The following SESN3 variants were observed in gnomAD, a reference collection of about 807,000 sequenced individuals.
SESN3 encodes the protein sestrin 3, also known as sestrin-3.
Under a neutral mutation model 55.3 loss-of-function variants are expected in SESN3, and 21 were observed. The ratio of observed to expected loss-of-function variants is 0.38; its 90% CI spans 0.27 to 0.55. The LOEUF (loss-of-function observed/expected upper bound fraction) is 0.55, where lower values mean the gene tolerates loss of function less well. Ranked by LOEUF, SESN3 falls within the 20% of genes least tolerant of loss-of-function variation. SESN3 has a pLI of 0.76. For synonymous variants in SESN3, 181 were observed against 203.1 expected, an observed-to-expected ratio of 0.89 and a Z score of 0.93; for missense variants, 408 against 604.3, an observed-to-expected ratio of 0.68 and a Z score of 3.41.
intron 1 of SESN3, among the ~76,000 whole-genome samples, chr11:95,224,947 G>C (rs959518955): frequency 1.3e-5 from 2 of 152,172 alleles, no homozygotes; most frequent in African/African-American, 2.4e-5. Flanking sequence ...GAGCCAACCA[G>C]TTTGCTATGC....
chr11:95,231,215 G>A (rs962790433), upstream of SESN3: 11 of 344,482 alleles, frequency 3.2e-5, no homozygotes, highest in African/African-American at 2.4e-4. Context: ...CCCCGCCTCC[G>A]CCGCCCCACC....
At chr11:95,179,835 A>C (rs929167687) in intron 6 of SESN3, among the ~76,000 whole-genome samples, 4 of 152,198 alleles carry the variant, frequency 2.6e-5, no homozygotes, top group Non-Finnish European at 5.9e-5. Flanking sequence ...TGTGACTAGA[A>C]TATTACCAAA....
Position 95,173,121 on chromosome 11 carries a change from A to AC in SESN3, c.*133_*134insG, listed in dbSNP as rs58831783. ...TGCACATTACAGCCGCAAAAAACAA[A>AC]AAAAAAAAAACAAACGGCTAAACTT... On this transcript the variant is annotated 3_prime_UTR_variant, in exon 10 of 10. Transcript: ENST00000536441. 5.8e-3 allele frequency: 2,995 copies of AC among 519,790 alleles called. 66 individuals are homozygous for AC. Among genetic ancestry groups the AC allele is most frequent in the African/African-American group, 0.048 (2,557 of 53,084 alleles). 32.2% of individuals were successfully genotyped at this position (519,790 alleles called of 1,614,324 possible). A position where few individuals can be genotyped will look rare whatever the true frequency, so the allele number is the denominator to read the frequency against.
chr11:95,197,871 T>C (rs981432134), intron 1 of SESN3, among the ~76,000 whole-genome samples: 2 of 152,148 alleles, frequency 1.3e-5, no homozygotes, highest in South Asian at 4.1e-4. Context: ...GAGAACTCGC[T>C]AGCTCTTCTC....
intron 1 of SESN3, among the ~76,000 whole-genome samples, chr11:95,219,371 T>A (rs1294238566): frequency 6.6e-6 from 1 of 152,232 alleles, no homozygotes; most frequent in African/African-American, 2.4e-5. Flanking sequence ...CTGACTTGTT[T>A]TACTTTACTA....
At chr11:95,182,596 C>T (rs982889049) in intron 6 of SESN3, among the ~76,000 whole-genome samples, 1 of 152,158 alleles carries the variant, frequency 6.6e-6, no homozygotes, top group Admixed American at 6.5e-5. Context: ...AACAAGATTC[C>T]CCAAGTGACT....
Position 95,170,674 on chromosome 11 carries a change from C to A in SESN3, c.*2581G>T, listed in dbSNP as rs934735535. On this transcript the variant is annotated 3_prime_UTR_variant, in exon 10 of 10. Coordinates refer to ENST00000536441, the MANE Select transcript of SESN3 (RefSeq NM_144665.4). ...GGATAAAGAGAGTTAACAGCAAACT[C>A]GTTGTAAAATGGTATTCACAACCTG... 1 of 152,184 alleles carries A rather than the reference C, an allele frequency of 6.6e-6. No individual in the cohort carries two copies. Among genetic ancestry groups the A allele is most frequent in the Non-Finnish European group, 1.5e-5 (1 of 68,018 alleles). 9.4% of individuals were successfully genotyped at this position (152,184 alleles called of 1,614,324 possible).
intron 1 of SESN3, among the ~76,000 whole-genome samples, chr11:95,216,759 T>C (rs1310701340): frequency 7.1e-6 from 1 of 140,956 alleles, no homozygotes; most frequent in African/African-American, 2.6e-5. Context: ...GGAGGCAAGA[T>C]AAAAAAAAAA....
At chr11:95,220,398 G>A (rs990127119) in intron 1 of SESN3, among the ~76,000 whole-genome samples, 1 of 152,058 alleles carries the variant, frequency 6.6e-6, no homozygotes. Context: ...ACTAATTAAT[G>A]ACTGGTTGGC....
intron 2 of SESN3, 128 bp downstream of exon 2, chr11:95,193,329 T>G: frequency 3.2e-6 from 2 of 633,378 alleles, no homozygotes; most frequent in East Asian, 2.8e-5. Context: ...TCCATGGTTT[T>G]CTGACATGTG....
At chr11:95,197,097 CTTCT>C (rs958473229) in intron 1 of SESN3, among the ~76,000 whole-genome samples, 5 of 152,308 alleles carry the variant, frequency 3.3e-5, no homozygotes, top group African/African-American at 7.2e-5. Flanking sequence ...ACTTTCCTTC[CTTCT>C]TTCTTTCTTG....
intron 5 of SESN3, among the ~76,000 whole-genome samples, chr11:95,184,928 T>C (rs1040696312): frequency 2.6e-5 from 4 of 152,096 alleles, no homozygotes; most frequent in African/African-American, 4.8e-5. Flanking sequence ...TCATAAGGTA[T>C]GTTTTCCATT....
chr11:95,188,579 G>A (rs1234118044), intron 4 of SESN3, among the ~76,000 whole-genome samples: 1 of 151,632 alleles, frequency 6.6e-6, no homozygotes, highest in African/African-American at 2.4e-5. Context: ...GAAACTGTTG[G>A]CTATTCTTCC....
intron 6 of SESN3, 65 bp from the exon 7 acceptor site, chr11:95,178,893 A>G: frequency 1.1e-6 from 1 of 892,718 alleles, no homozygotes; most frequent in Non-Finnish European, 1.8e-6. Flanking sequence ...ATAAAACGGA[A>G]CTCCATTTTC....
At position 95,166,838 on chromosome 11, in the gene SESN3, A is replaced by G. The variant is rs1390566198; in HGVS notation, c.*6417T>C. On this transcript the variant is annotated 3_prime_UTR_variant, in exon 10 of 10. Transcript: ENST00000536441. ...AAGAGTAAATGTGAAGAGAAAGAGG[A>G]AGGGGAAACTGTATTTTCTCTCCAG... The G allele has an allele frequency of 6.6e-6, 1 of 152,124 alleles. No homozygotes were observed. The highest frequency in any genetic ancestry group is 1.5e-5 in the Non-Finnish European group (1 of 68,020). The allele number at this position is 152,124 out of a possible 1,614,324, so 9.4% of individuals were successfully genotyped here. A position where few individuals can be genotyped will look rare whatever the true frequency, so the allele number is the denominator to read the frequency against.
In SESN3 at chr11:95,178,847, A is replaced by G. The variant is rs1361536399; in HGVS notation, c.938-19T>C. On this transcript the variant is annotated intron_variant, in intron 6 of 9. Coordinates refer to ENST00000536441, the MANE Select transcript of SESN3 (RefSeq NM_144665.4). ...TCAAAATCTAAGGACAATAATGAAC[A>G]ATCTAGTGTTAAGGATACTGTACGT... The G allele has an allele frequency of 7.2e-7, 1 of 1,382,056 alleles. No individual in the cohort carries two copies. Among genetic ancestry groups the G allele is most frequent in the South Asian group, 1.2e-5 (1 of 86,336 alleles). The allele number at this position is 1,382,056 out of a possible 1,614,324, so 85.6% of individuals were successfully genotyped here.
Position 95,184,467 on chromosome 11 carries a change from C to G in SESN3, c.890G>C (p.Ser297Thr). Residue 297 changes from serine (S) to threonine (T), a missense_variant, in exon 6 of 10, where the codon AGT (serine) becomes ACT (threonine). Coordinates refer to ENST00000536441, the MANE Select transcript of SESN3 (RefSeq NM_144665.4). ...STRFEKEKKE[S>T]LFVVSGDTFH... ...AGTATCTCCAGAGACCACAAAAAGA[C>G]TTTCTTTCTTCTCCTTTTCAAAACG... The G allele has an allele frequency of 6.2e-7, 1 of 1,613,616 alleles. No homozygotes were observed.
chr11:95,176,472 A>G (rs1292273884), intron 8 of SESN3, among the ~76,000 whole-genome samples: 2 of 152,216 alleles, frequency 1.3e-5, no homozygotes, highest in Non-Finnish European at 2.9e-5. Flanking sequence ...AGAAGGGAGC[A>G]TTGCTAGAAC....
intron 1 of SESN3, among the ~76,000 whole-genome samples, chr11:95,194,050 G>A (rs1228114408): frequency 6.6e-6 from 1 of 151,936 alleles, no homozygotes; most frequent in South Asian, 2.1e-4. Context: ...ATAAAGAATG[G>A]GGAACATAGT....
Sources: gnomAD v4.1 joint callset for allele counts (sites outside exome capture counted in the v4.1 genomes callset) on GRCh38, gnomAD v4.1.1 for gene constraint, MANE v1.5 for transcripts, NCBI Gene and HGNC (gene_info 2026-07-23, HGNC 2026-07-21) for gene names.